MYT1: variants seen among roughly 807,000 people sequenced by gnomAD.
MYT1 encodes the protein myelin transcription factor 1, also known as myelin transcription factor I.
MYT1 carries 23 observed loss-of-function variants against 123.0 expected under a neutral mutation model. The observed-to-expected ratio is 0.19, with a 90% confidence interval of 0.13 to 0.26. MYT1 has a LOEUF of 0.26. Ranked by LOEUF, MYT1 falls within the 10% of genes least tolerant of loss-of-function variation. The pLI is 1.00. For synonymous variants in MYT1, 518 were observed against 575.3 expected (o/e 0.90, Z 1.43); for missense variants, 1,125 against 1,472.5 (o/e 0.76, Z 3.86).
intron 12 of MYT1, among the ~76,000 whole-genome samples, chr20:64,219,390 T>C (rs1983930067): frequency 6.6e-6 from 1 of 152,246 alleles, no homozygotes; most frequent in African/African-American, 2.4e-5. Flanking sequence ...GCACGTGCCC[T>C]GTTCACACGT....
At chr20:64,225,260 G>A (rs1984135194) in intron 16 of MYT1, among the ~76,000 whole-genome samples, 2 of 152,242 alleles carry the variant, frequency 1.3e-5, no homozygotes, top group Admixed American at 6.5e-5. Context: ...GCGGCATCGG[G>A]CACTGGCCCC....
rs972810622 is a variant in MYT1 at position 64,240,545 on chromosome 20, G to T, written c.*97G>T. The T allele has an allele frequency of 4.8e-6, 7 of 1,461,884 alleles. No homozygotes were observed. The South Asian group carries it at 9.9e-5, about 21-fold the overall frequency. The allele number at this position is 1,461,884 out of a possible 1,614,324, so 90.6% of individuals were successfully genotyped here. A position where few individuals can be genotyped will look rare whatever the true frequency, so the allele number is the denominator to read the frequency against. ...GATGCCCAACTCACAGTGACTTCCC[G>T]TTTGGGGCCCGGTGTGGCCGCGGGC... On this transcript the variant is annotated 3_prime_UTR_variant, in exon 23 of 23. Transcript: ENST00000328439.
intron 22 of MYT1, 114 bp downstream of exon 22, chr20:64,240,017 C>A (rs1984668949): frequency 6.9e-7 from 1 of 1,455,438 alleles, no homozygotes; most frequent in African/African-American, 1.4e-5. Flanking sequence ...CCTAGGGGCC[C>A]TGTGCCCTTG....
chr20:64,221,801 G>T, intron 13 of MYT1, 92 bp from the exon 14 acceptor site: 1 of 1,350,932 alleles, frequency 7.4e-7, no homozygotes. Context: ...TGTGGACACT[G>T]TCCTGAAGGG....
At chr20:64,188,196 CAG>C (rs1982867733) in intron 1 of MYT1, among the ~76,000 whole-genome samples, 1 of 152,190 alleles carries the variant, frequency 6.6e-6, no homozygotes, top group Non-Finnish European at 1.5e-5. Flanking sequence ...GGTCCCTTTG[CAG>C]AGACTCTTGC....
rs1983333124 is a variant in MYT1 at position 64,202,018 on chromosome 20, C to CAGGAACCTCT, written c.86+2096_86+2097insAGGAACCTCT. 2.1e-5 allele frequency among the ~76,000 whole-genome samples: 1 copy of CAGGAACCTCT among 46,530 alleles called. No individual in the cohort carries two copies. The highest frequency in any genetic ancestry group is 5.9e-5 in the African/African-American group (1 of 17,020). 30.5% of individuals were successfully genotyped at this position (46,530 alleles called of 152,430 possible). On this transcript the variant is annotated intron_variant, in intron 4 of 22. Coordinates refer to ENST00000328439, the MANE Select transcript of MYT1 (RefSeq NM_004535.3). The surrounding 1 kb of genome is among the most constrained non-coding windows in gnomAD (Gnocchi z 5.0). ...GAACCCCCGCGTGTCGGGAACCCCT[C>CAGGAACCTCT]GCGTGTCGGGAACCCCCGCGTGTCG...
intron 19 of MYT1, among the ~76,000 whole-genome samples, 193 bp from the exon 20 acceptor site, chr20:64,236,362 G>A (rs1346245097): frequency 2.7e-5 from 4 of 148,460 alleles, no homozygotes; most frequent in Admixed American, 6.7e-5. Context: ...TGGGATGGCC[G>A]CGGTGGGTGA....
At chr20:64,173,451 A>C (rs553569457) in intron 1 of MYT1, among the ~76,000 whole-genome samples, 1 of 150,106 alleles carries the variant, frequency 6.7e-6, no homozygotes, top group Non-Finnish European at 1.5e-5. Context: ...AGTTGTGTCC[A>C]TTTCCCCTCC....
intron 1 of MYT1, among the ~76,000 whole-genome samples, chr20:64,165,128 G>C (rs1342230993): frequency 1.3e-5 from 2 of 152,056 alleles, no homozygotes; most frequent in Non-Finnish European, 2.9e-5. Flanking sequence ...CCCGTACCTG[G>C]GGAGAGCACT....
Position 64,240,600 on chromosome 20 carries a change from G to A in MYT1, c.*152G>A, listed in dbSNP as rs976094853. On this transcript the variant is annotated 3_prime_UTR_variant, in exon 23 of 23. Transcript: ENST00000328439. Reference sequence around the variant, plus strand: ...TTATCCAAAGGGATGGCTGGAAATTGGCCGCTCCCACGAGGCTCCCTCCAG... The same window carrying A: ...TTATCCAAAGGGATGGCTGGAAATTAGCCGCTCCCACGAGGCTCCCTCCAG... 1.3e-4 allele frequency: 145 copies of A among 1,117,588 alleles called. 1 individual carries two copies. The Middle Eastern group carries it at 2.1e-3, about 16-fold the overall frequency. 69.2% of individuals were successfully genotyped at this position (1,117,588 alleles called of 1,614,324 possible).
intron 1 of MYT1, among the ~76,000 whole-genome samples, chr20:64,173,142 C>T (rs1157415494): frequency 2.6e-5 from 4 of 152,160 alleles, no homozygotes; most frequent in Admixed American, 1.3e-4. Flanking sequence ...CCTTCCCATA[C>T]CCCAGGATTC....
Position 64,168,423 on chromosome 20 carries a change from A to G in MYT1, c.-99+3684A>G, listed in dbSNP as rs1246820198. On this transcript the variant is annotated intron_variant, in intron 1 of 22. Coordinates refer to ENST00000328439, the MANE Select transcript of MYT1 (RefSeq NM_004535.3). This position sits in a 1 kb window ranked among gnomAD's most constrained non-coding sequence, Gnocchi z 6.1. ...ACTTCATCCTTTTTTTTATTTTACAATTTGCACTTAAAAATGCAATGTTAT... is the reference window on the plus strand; with the variant it reads ...ACTTCATCCTTTTTTTTATTTTACAGTTTGCACTTAAAAATGCAATGTTAT... 1.3e-5 allele frequency among the ~76,000 whole-genome samples: 2 copies of G among 152,162 alleles called. No individual in the cohort carries two copies. The highest frequency in any genetic ancestry group is 2.9e-5 in the Non-Finnish European group (2 of 68,024).
Position 64,212,195 on chromosome 20 carries a change from C to CACATGTGGT in MYT1, c.1517+58_1517+59insCATGTGGTA, listed in dbSNP as rs1983691465. 7 of 101,956 alleles carry CACATGTGGT rather than the reference C, an allele frequency of 6.9e-5. No individual in the cohort carries two copies. Among genetic ancestry groups the CACATGTGGT allele is most frequent in the Non-Finnish European group, 1.1e-4 (6 of 53,848 alleles). 6.3% of individuals were successfully genotyped at this position (101,956 alleles called of 1,614,324 possible). On this transcript the variant is annotated intron_variant, in intron 9 of 22. Coordinates refer to ENST00000328439, the MANE Select transcript of MYT1 (RefSeq NM_004535.3). The surrounding 1 kb of genome is among the most constrained non-coding windows in gnomAD (Gnocchi z 6.8). ...CCAGGGTGGGGGCCGTGGTGGGGGC[C>CACATGTGGT]AGGGTGGGGGCCGTGGTGGGGGCCA...
At chr20:64,199,484 G>A (rs1983225378) in intron 3 of MYT1, among the ~76,000 whole-genome samples, 1 of 152,206 alleles carries the variant, frequency 6.6e-6, no homozygotes, top group African/African-American at 2.4e-5. Context: ...ACTCGGTCCA[G>A]TTGTTCTCTT....
Position 64,208,026 on chromosome 20 carries a change from A to T in MYT1, c.830A>T (p.Glu277Val). 6.3e-7 allele frequency: 1 copy of T among 1,592,364 alleles called. No homozygotes were observed. ...EEEEEEEDEEEEEEEEEEEEE... is the reference protein window; with the variant it reads ...EEEEEEEDEEVEEEEEEEEEE... ...GAGGAGGAGGAGGAGGATGAAGAAG[A>T]GGAAGAGGAAGAGGAGGAGGAAGAG... Residue 277 changes from glutamate (E) to valine (V), a missense_variant, in exon 7 of 23, where the codon GAG (glutamate) becomes GTG (valine). Glu to Val is a moderately radical substitution (Grantham distance 121, BLOSUM62 -2). This residue lies in a region of MYT1 where 406 missense variants were observed against 432.2 expected (regional missense o/e 0.94). Transcript: ENST00000328439. The surrounding 1 kb of genome is among the most constrained non-coding windows in gnomAD (Gnocchi z 5.4).
intron 14 of MYT1, 70 bp from the exon 15 acceptor site, chr20:64,223,041 C>A: frequency 6.3e-7 from 1 of 1,579,764 alleles, no homozygotes; most frequent in South Asian, 1.1e-5. Context: ...GTCTCCCTCG[C>A]AGAGCAGGCT....
In MYT1 at chr20:64,213,645, C is replaced by G; in HGVS notation, c.1629C>G (p.Leu543=). The G allele has an allele frequency of 6.2e-6, 10 of 1,613,284 alleles. No homozygotes were observed. The highest frequency in any genetic ancestry group is 8.5e-6 in the Non-Finnish European group (10 of 1,179,444). Residue 543 remains leucine, a splice_region_variant and synonymous_variant, in exon 10 of 23, where the codon CTC becomes CTG. Transcript: ENST00000328439. The surrounding 1 kb of genome is among the most constrained non-coding windows in gnomAD (Gnocchi z 5.6). ...GTAGCTCCAATTCCGATCGGATCCT[C>G]AGGTGAGTGAGATGAGCCACAGAAC... ...SKSSSNSDRI[L]RPMCFVKQLE...
intron 19 of MYT1, among the ~76,000 whole-genome samples, chr20:64,235,131 GT>G: frequency 7.0e-6 from 1 of 142,032 alleles, no homozygotes; most frequent in Non-Finnish European, 1.5e-5. Flanking sequence ...GTCATGATGG[GT>G]GACCCTGGGC....
Position 64,207,621 on chromosome 20 carries a change from G to A in MYT1, c.425G>A (p.Gly142Glu), listed in dbSNP as rs770598662. ...EGRSPVKSHF[G>E]SNPIGSATAS... is the part of the protein sequence containing the mutation. ...AGGAGCCCCGTCAAGTCCCATTTTGGATCCAACCCCATCGGCAGCGCCACT... is the reference window on the plus strand; with the variant it reads ...AGGAGCCCCGTCAAGTCCCATTTTGAATCCAACCCCATCGGCAGCGCCACT... Residue 142 changes from glycine (G) to glutamate (E), a missense_variant, in exon 7 of 23, where the codon GGA becomes GAA. By Grantham distance (98) the Gly-to-Glu change is moderately conservative. Around this residue, in one of 4 missense-constraint regions of MYT1, gnomAD observed 406 missense variants for 432.2 expected, o/e 0.94. Coordinates refer to ENST00000328439, the MANE Select transcript of MYT1 (RefSeq NM_004535.3). The A allele has an allele frequency of 6.2e-7, 1 of 1,613,696 alleles. No individual in the cohort carries two copies. The highest frequency in any genetic ancestry group is 8.5e-7 in the Non-Finnish European group (1 of 1,179,940).
Sources: allele counts gnomAD v4.1 joint callset (sites outside exome capture counted in the v4.1 genomes callset), GRCh38; gene constraint gnomAD v4.1.1; regional missense constraint gnomAD v4.1.1; non-coding constraint Gnocchi (gnomAD v3.1); transcripts MANE v1.5; gene names NCBI Gene and HGNC (gene_info 2026-07-23, HGNC 2026-07-21).